Variants in BICD1 observed in about 807,000 individuals in gnomAD.
BICD1 encodes the protein BICD cargo adaptor 1, also known as protein bicaudal D homolog 1.
A neutral mutation model predicts 92.5 loss-of-function variants in BICD1; 35 were observed. The ratio of observed to expected loss-of-function variants is 0.38; its 90% CI spans 0.29 to 0.50. BICD1 has a LOEUF of 0.50. BICD1 is among the 20% of genes least tolerant of loss of function. The probability of loss-of-function intolerance (pLI) is 0.93; values close to 1 mark genes in which losing one functional copy is unlikely to be tolerated. For synonymous variants in BICD1, 429 were observed against 465.1 expected (o/e 0.92, Z 1.00); for missense variants, 950 against 1,189.8 (o/e 0.80, Z 2.97).
intron 3 of BICD1, among the ~76,000 whole-genome samples, chr12:32,302,563 G>A (rs1948085069): frequency 6.6e-6 from 1 of 152,150 alleles, no homozygotes; most frequent in Non-Finnish European, 1.5e-5. Context: ...ATGCCATCAT[G>A]TTTGTAACAT....
At chr12:32,363,072 T>C (rs1032564103) in intron 8 of BICD1, among the ~76,000 whole-genome samples, 1 of 152,108 alleles carries the variant, frequency 6.6e-6, no homozygotes, top group African/African-American at 2.4e-5. Context: ...ATAGGAAAGA[T>C]TACATCATGT....
intron 1 of BICD1, among the ~76,000 whole-genome samples, chr12:32,196,822 A>G (rs986571950): frequency 1.3e-5 from 2 of 151,844 alleles, no homozygotes; most frequent in Non-Finnish European, 3.0e-5. Flanking sequence ...TGGATATGTT[A>G]GTTAATTTGA....
intron 4 of BICD1, among the ~76,000 whole-genome samples, chr12:32,309,769 G>T (rs1478501793): frequency 6.6e-6 from 1 of 152,090 alleles, no homozygotes; most frequent in Non-Finnish European, 1.5e-5. Flanking sequence ...GTGACAGTTT[G>T]TATTTTCATT....
chr12:32,347,203 A>T (rs948167237), intron 8 of BICD1, among the ~76,000 whole-genome samples: 1 of 151,606 alleles, frequency 6.6e-6, no homozygotes, highest in South Asian at 2.1e-4. Context: ...CTCCTGCCTC[A>T]GCCTTCCAAA....
chr12:32,296,461 G>T (rs1472246153), intron 3 of BICD1, among the ~76,000 whole-genome samples: 1 of 151,688 alleles, frequency 6.6e-6, no homozygotes, highest in South Asian at 2.1e-4. Flanking sequence ...GTTTCAACGT[G>T]TTAGCCAGGA....
chr12:32,242,353 A>C (rs12297959), intron 2 of BICD1, among the ~76,000 whole-genome samples: 20,386 of 151,650 alleles, frequency 0.13, 2,368 homozygotes, highest in African/African-American at 0.32. Flanking sequence ...TTGTGAAACC[A>C]GTCTCTACTA....
chr12:32,216,109 C>T, intron 1 of BICD1, 138 bp from the exon 2 acceptor site: 2 of 693,128 alleles, frequency 2.9e-6, no homozygotes, highest in Non-Finnish European at 4.7e-6. Flanking sequence ...GTGAGAGCTG[C>T]TAGACTGTTA....
intron 8 of BICD1, among the ~76,000 whole-genome samples, chr12:32,356,757 G>A (rs1440268334): frequency 6.6e-6 from 1 of 152,234 alleles, no homozygotes; most frequent in Admixed American, 6.5e-5. Context: ...AAGTGTGTTA[G>A]TAACTGATTA....
chr12:32,327,559 G>C lies in BICD1; in HGVS notation c.1104G>C (p.Val368=). Residue 368 remains valine (V), a synonymous_variant, in exon 5 of 10, where the codon GTG becomes GTC. Coordinates refer to ENST00000652176, the MANE Select transcript of BICD1 (RefSeq NM_001714.4). The part of the protein sequence containing the change: ...KGALTEQHER[V]HRLTEHVNAM... The stretch of plus-strand genomic sequence containing the variant: ...CACTGACGGAGCAGCATGAGCGGGT[G>C]CACCGGCTCACAGAGCACGTCAATG... 6.2e-7 allele frequency: 1 copy of C among 1,614,164 alleles called. No individual in the cohort carries two copies. Among genetic ancestry groups the C allele is most frequent in the South Asian group, 1.1e-5 (1 of 91,080 alleles).
intron 2 of BICD1, among the ~76,000 whole-genome samples, chr12:32,287,260 C>T (rs1428086404): frequency 6.6e-6 from 1 of 152,136 alleles, no homozygotes; most frequent in African/African-American, 2.4e-5. Context: ...GTACTAGTAG[C>T]ACTTGTTACT....
intron 1 of BICD1, among the ~76,000 whole-genome samples, chr12:32,132,415 C>CAAAAAA (rs34771538): frequency 1.8e-5 from 2 of 109,400 alleles, no homozygotes; most frequent in Non-Finnish European, 3.5e-5. Context: ...GACTCTGTCT[C>CAAAAAA]AAAAAAAAAA....
intron 1 of BICD1, among the ~76,000 whole-genome samples, chr12:32,196,266 C>G (rs760042644): frequency 3.3e-5 from 5 of 152,096 alleles, no homozygotes; most frequent in Non-Finnish European, 7.4e-5. Context: ...AAAGAGCTAC[C>G]ATATGATCCA....
chr12:32,256,395 T>C (rs1946721089), intron 2 of BICD1, among the ~76,000 whole-genome samples: 1 of 152,154 alleles, frequency 6.6e-6, no homozygotes, highest in African/African-American at 2.4e-5. Flanking sequence ...CATCCTCTGA[T>C]ATACATATGA....
At chr12:32,117,754 A>ATTTT (rs1280074338) in intron 1 of BICD1, among the ~76,000 whole-genome samples, 4 of 106,146 alleles carry the variant, frequency 3.8e-5, no homozygotes, top group African/African-American at 1.2e-4. Context: ...ATATATATAT[A>ATTTT]TATATTTTTT....
chr12:32,221,838 G>A (rs1945542043), intron 2 of BICD1, among the ~76,000 whole-genome samples: 1 of 152,082 alleles, frequency 6.6e-6, no homozygotes, highest in Admixed American at 6.5e-5. Context: ...AAATCTCTGA[G>A]TTCTCTTGAC....
At chr12:32,277,379 G>A (rs1044593620) in intron 2 of BICD1, among the ~76,000 whole-genome samples, 2 of 152,174 alleles carry the variant, frequency 1.3e-5, no homozygotes, top group African/African-American at 4.8e-5. Context: ...GGGCAACAGA[G>A]CAAGACTCTG....
intron 2 of BICD1, among the ~76,000 whole-genome samples, chr12:32,229,181 G>A (rs138980133): frequency 2.8e-3 from 429 of 152,274 alleles, no homozygotes; most frequent in Middle Eastern, 0.01. Flanking sequence ...AACCCGGGAG[G>A]TGGAGGTTGC....
chr12:32,237,570 T>C (rs1946109582), intron 2 of BICD1, among the ~76,000 whole-genome samples: 1 of 152,200 alleles, frequency 6.6e-6, no homozygotes, highest in South Asian at 2.1e-4. Context: ...ATACAGCTTG[T>C]GACTTTGAGT....
chr12:32,132,615 C>T (rs955671611), intron 1 of BICD1, among the ~76,000 whole-genome samples: 1 of 152,080 alleles, frequency 6.6e-6, no homozygotes, highest in Non-Finnish European at 1.5e-5. Flanking sequence ...CACCCACTGC[C>T]CGCCCCAACG....
Sources: allele counts gnomAD v4.1 joint callset (sites outside exome capture counted in the v4.1 genomes callset), GRCh38; gene constraint gnomAD v4.1.1; transcripts MANE v1.5; gene names NCBI Gene and HGNC (gene_info 2026-07-23, HGNC 2026-07-21).